The following CDH13 variants were observed in gnomAD, a reference collection of about 807,000 sequenced individuals.
The protein encoded by CDH13 is cadherin-13.
Under a neutral mutation model 63.8 loss-of-function variants are expected in CDH13, and 24 were observed. The ratio of observed to expected loss-of-function variants is 0.38; its 90% confidence interval spans 0.27 to 0.53. CDH13 has a LOEUF of 0.53. Among genes scored for constraint, CDH13 ranks in the 20% least tolerant of loss-of-function variants. The pLI, the probability that CDH13 is intolerant of heterozygous loss-of-function variation, is 0.85. For missense variants in CDH13, 1,049 were observed against 903.1 expected (o/e 1.16, Z -2.07); for synonymous variants, 503 against 355.3 (o/e 1.42, Z -4.67).
At chr16:83,101,592 G>A (rs557578389) in intron 3 of CDH13, among the ~76,000 whole-genome samples, 4 of 152,164 alleles carry the variant, frequency 2.6e-5, no homozygotes, top group South Asian at 4.1e-4. Flanking sequence ...TCAGGAGTTC[G>A]AGACCAGCCT....
rs150610723 is a variant in CDH13, at chr16:83,272,021, A to G, written c.636+54524A>G. ...CCTTACAGCTTAAAAAGTGTTTTTC[A>G]TCCATTATCTCTCTTAATTTTCATA... On this transcript the variant is annotated intron_variant, in intron 5 of 13. Coordinates refer to ENST00000567109, the MANE Select transcript of CDH13 (RefSeq NM_001257.5). Among the ~76,000 whole-genome samples the G allele has an allele frequency of 1.9e-4, 29 of 152,310 alleles. No individual in the cohort carries two copies. In the East Asian group the frequency reaches 5.0e-3, roughly 26 times the overall value.
intron 10 of CDH13, among the ~76,000 whole-genome samples, chr16:83,740,619 C>T (rs964320774): frequency 3.9e-5 from 6 of 152,166 alleles, no homozygotes; most frequent in East Asian, 3.9e-4. Flanking sequence ...TCAGAATTGT[C>T]ATGTGCTAGA....
chr16:83,032,165 G>T lies in CDH13; in HGVS notation c.313G>T (p.Asp105Tyr). 1.2e-6 allele frequency: 2 copies of T among 1,613,782 alleles called. No individual in the cohort carries two copies. The highest frequency in any genetic ancestry group is 1.3e-5 in the African/African-American group (1 of 75,060). Residue 105 changes from aspartate (D) to tyrosine (Y), a missense_variant, in exon 3 of 14, where the codon GAT becomes TAT. Coordinates refer to ENST00000567109, the MANE Select transcript of CDH13 (RefSeq NM_001257.5). Reference protein sequence around the residue: ...FVHARTPHAEDMAELVIVGGK... With the variant: ...FVHARTPHAEYMAELVIVGGK... ...CCATGCACGGACCCCCCATGCGGAA[G>T]ATATGGCAGAACTCGTGATTGTCGG... is the stretch of plus-strand genomic sequence containing the variant.
At chr16:83,277,168 T>C (rs1022134174) in intron 5 of CDH13, among the ~76,000 whole-genome samples, 1 of 152,186 alleles carries the variant, frequency 6.6e-6, no homozygotes, top group African/African-American at 2.4e-5. Context: ...GATTCATTGG[T>C]ACCTGTCTTC....
intron 10 of CDH13, among the ~76,000 whole-genome samples, chr16:83,704,691 A>T (rs1906744341): frequency 6.6e-6 from 1 of 152,236 alleles, no homozygotes; most frequent in South Asian, 2.1e-4. Flanking sequence ...TTAAGCTCTG[A>T]TAGAAAATTG....
chr16:82,822,355 G>C (rs914443205), intron 1 of CDH13, among the ~76,000 whole-genome samples: 2 of 152,240 alleles, frequency 1.3e-5, no homozygotes, highest in East Asian at 3.9e-4. Context: ...ATATTTTTAA[G>C]GTAGAAAAAG....
chr16:83,267,501 C>G (rs72802293), intron 5 of CDH13, among the ~76,000 whole-genome samples: 24,014 of 152,144 alleles, frequency 0.16, 2,009 homozygotes, highest in East Asian at 0.24. Flanking sequence ...TTAATTGCCA[C>G]TGTGATGATA....
chr16:83,233,086 C>T (rs1052196537), intron 5 of CDH13, among the ~76,000 whole-genome samples: 2 of 152,122 alleles, frequency 1.3e-5, no homozygotes, highest in Admixed American at 1.3e-4. Flanking sequence ...GCTTTAGGTC[C>T]CTTGAGATTG....
rs558526352 is a variant in CDH13 at position 82,939,638 on chromosome 16, T to G, written c.157+81165T>G. Among the ~76,000 whole-genome samples the G allele has an allele frequency of 3.4e-5, 5 of 148,770 alleles. No homozygotes were observed. In the South Asian group the frequency reaches 8.7e-4, roughly 26 times the overall value. On this transcript the variant is annotated intron_variant, in intron 2 of 13. Coordinates refer to ENST00000567109, the MANE Select transcript of CDH13 (RefSeq NM_001257.5). ...GTAAAAATTGAATGTTAACAGTGGG[T>G]CTCTTCTATTAGTGTGGTTGTTTGC...
At chr16:83,284,557 G>T (rs1278402065) in intron 5 of CDH13, among the ~76,000 whole-genome samples, 1 of 152,156 alleles carries the variant, frequency 6.6e-6, no homozygotes. Context: ...TTAGTGGAAG[G>T]AGGGAGGAAA....
chr16:83,706,203 C>A (rs1490703778), intron 10 of CDH13, among the ~76,000 whole-genome samples: 1 of 152,186 alleles, frequency 6.6e-6, no homozygotes. Flanking sequence ...GGCCTCTCCA[C>A]GAGGCCTGGG....
intron 1 of CDH13, among the ~76,000 whole-genome samples, chr16:82,821,842 A>T (rs1287560814): frequency 6.6e-6 from 1 of 152,206 alleles, no homozygotes; most frequent in Non-Finnish European, 1.5e-5. Context: ...TGGTTTCAGG[A>T]GGAGGGAAGA....
intron 6 of CDH13, among the ~76,000 whole-genome samples, chr16:83,351,061 C>G (rs11861609): frequency 0.45 from 68,912 of 152,012 alleles, 17,015 homozygotes; most frequent in African/African-American, 0.66. Context: ...TGACACCTAG[C>G]TCAGCCGATG....
Position 82,629,464 on chromosome 16 carries a change from C to T in CDH13, c.45+2327C>T, listed in dbSNP as rs138195799. Among the ~76,000 whole-genome samples, 782 of 152,224 alleles carry T rather than the reference C, an allele frequency of 5.1e-3. 9 individuals carry two copies. Among genetic ancestry groups the T allele is most frequent in the African/African-American group, 9.4e-3 (392 of 41,522 alleles). ...AAGTTCACGTGCAGAACTCTGTGTG[C>T]CATAGAAAAAAGTGGGGAAAGTCTT... On this transcript the variant is annotated intron_variant, in intron 1 of 13. Transcript: ENST00000567109.
intron 5 of CDH13, among the ~76,000 whole-genome samples, chr16:83,254,062 G>A (rs1188610608): frequency 6.6e-6 from 1 of 152,166 alleles, no homozygotes. Flanking sequence ...AGGACAAGAC[G>A]CCGCAGTGTT....
At chr16:83,440,117 G>A (rs570374233) in intron 6 of CDH13, among the ~76,000 whole-genome samples, 5 of 152,326 alleles carry the variant, frequency 3.3e-5, no homozygotes, top group South Asian at 4.1e-4. Flanking sequence ...CAGTAAGGAT[G>A]GAGAATGGCT....
At chr16:82,812,058 A>T (rs1242357136) in intron 1 of CDH13, among the ~76,000 whole-genome samples, 1 of 152,178 alleles carries the variant, frequency 6.6e-6, no homozygotes, top group Admixed American at 6.5e-5. Context: ...TTGATGGATG[A>T]GCAGACTACA....
At chr16:82,817,275 G>A (rs191574303) in intron 1 of CDH13, among the ~76,000 whole-genome samples, 465 of 152,122 alleles carry the variant, frequency 3.1e-3, no homozygotes, top group Non-Finnish European at 4.6e-3. Context: ...TGGCCATACA[G>A]GTCCACCCCT....
chr16:83,068,171 A>G (rs1009526925), intron 3 of CDH13, among the ~76,000 whole-genome samples: 1 of 152,220 alleles, frequency 6.6e-6, no homozygotes, highest in Non-Finnish European at 1.5e-5. Context: ...GCAGATGCCA[A>G]CTTCCAATGA....
Sources: gnomAD v4.1 joint callset for allele counts (sites outside exome capture counted in the v4.1 genomes callset) on GRCh38, gnomAD v4.1.1 for gene constraint, MANE v1.5 for transcripts, NCBI Gene and HGNC (gene_info 2026-07-23, HGNC 2026-07-21) for gene names.